SAMD5: variants seen among roughly 807,000 people sequenced by gnomAD.
SAMD5 encodes the protein sterile alpha motif domain containing 5.
A neutral mutation model predicts 11.3 loss-of-function variants in SAMD5; 13 were observed. That is an observed-to-expected ratio of 1.15 (90% confidence interval 0.75 to 1.83). The LOEUF (loss-of-function observed/expected upper bound fraction) is 1.83, where lower values mean the gene tolerates loss of function less well. Among genes scored for constraint, SAMD5 ranks in the 40% most tolerant of loss-of-function variants. SAMD5 has a pLI of 0.00. For missense variants in SAMD5, 255 were observed against 239.1 expected (o/e 1.07, Z -0.44); for synonymous variants, 129 against 111.3 (o/e 1.16, Z -1.00).
At chr6:147,802,580 G>A in the SAMD5 span, among the ~76,000 whole-genome samples, 1,258 of 152,298 alleles carry the variant, frequency 8.3e-3, 24 homozygotes, top group African/African-American at 0.029. Flanking sequence ...AAAGGACAGC[G>A]TATGTTCACA....
the SAMD5 span, among the ~76,000 whole-genome samples, chr6:147,949,847 T>A: frequency 6.6e-6 from 1 of 152,246 alleles, no homozygotes; most frequent in Non-Finnish European, 1.5e-5. Flanking sequence ...AGGTTCATTT[T>A]GTTATACTGC....
Position 147,661,319 on chromosome 6 carries a change from C to T in SAMD5, c.163-75998C>T, listed in dbSNP as rs1790645810. On this transcript the variant is annotated intron_variant, in intron 1 of 1. Transcript: ENST00000566741. ...GCTGCTTTTCACATGGAAGTAAATG[C>T]GTAAAATATCTGGGAAAACAGATCT... 4.6e-5 allele frequency among the ~76,000 whole-genome samples: 7 copies of T among 151,994 alleles called. No individual in the cohort carries two copies. The South Asian group carries it at 1.0e-3, about 23-fold the overall frequency.
At chr6:147,681,290 C>T (rs137962794) in intron 1 of SAMD5, among the ~76,000 whole-genome samples, 40 of 152,174 alleles carry the variant, frequency 2.6e-4, no homozygotes, top group Middle Eastern at 3.4e-3. Flanking sequence ...TTCAAGTTTA[C>T]TCTTTTCTTC....
intron 1 of SAMD5, among the ~76,000 whole-genome samples, chr6:147,626,791 GAAAAAAAA>G (rs529975933): frequency 0.094 from 5,134 of 54,844 alleles, 184 homozygotes; most frequent in African/African-American, 0.18. Flanking sequence ...CTGTTTCTAT[GAAAAAAAA>G]AAAAAAAAAA....
intron 1 of SAMD5, among the ~76,000 whole-genome samples, chr6:147,692,974 C>T (rs1791124434): frequency 6.6e-6 from 1 of 152,168 alleles, no homozygotes; most frequent in Non-Finnish European, 1.5e-5. Context: ...GACAGAAAAA[C>T]CCGTCACCAC....
chr6:147,936,527 G>T, the SAMD5 span, among the ~76,000 whole-genome samples: 1 of 151,908 alleles, frequency 6.6e-6, no homozygotes, highest in Non-Finnish European at 1.5e-5. Flanking sequence ...AGCACCAAGG[G>T]GATAGTGCTA....
the SAMD5 span, among the ~76,000 whole-genome samples, chr6:147,816,304 A>C: frequency 4.5e-4 from 15 of 33,406 alleles, no homozygotes; most frequent in African/African-American, 1.0e-3. Context: ...AAAAAAAAAT[A>C]TATATATATA....
the SAMD5 span, among the ~76,000 whole-genome samples, chr6:147,777,006 C>G: frequency 4.6e-4 from 70 of 152,282 alleles, no homozygotes; most frequent in African/African-American, 1.6e-3. Flanking sequence ...TATTAATCAC[C>G]TCCCCAACTT....
chr6:147,884,803 A>G, the SAMD5 span, among the ~76,000 whole-genome samples: 7 of 152,212 alleles, frequency 4.6e-5, no homozygotes, highest in African/African-American at 1.7e-4. Flanking sequence ...CCTGACAAAT[A>G]CTGAATTGAA....
intron 1 of SAMD5, among the ~76,000 whole-genome samples, chr6:147,633,586 T>C (rs1306854693): frequency 6.6e-6 from 1 of 152,088 alleles, no homozygotes; most frequent in Non-Finnish European, 1.5e-5. Flanking sequence ...GGTATTAGCG[T>C]GGAAGTAATT....
chr6:147,662,269 T>C (rs1790659472), intron 1 of SAMD5, among the ~76,000 whole-genome samples: 1 of 152,190 alleles, frequency 6.6e-6, no homozygotes, highest in African/African-American at 2.4e-5. Flanking sequence ...TTTATCAGAC[T>C]TTGGGAACAG....
At chr6:147,861,234 G>T in the SAMD5 span, among the ~76,000 whole-genome samples, 2 of 151,672 alleles carry the variant, frequency 1.3e-5, no homozygotes, top group African/African-American at 2.4e-5. Flanking sequence ...GCGCGATCTT[G>T]GTTCATTGCA....
chr6:147,750,424 G>A, the SAMD5 span, among the ~76,000 whole-genome samples: 1 of 152,160 alleles, frequency 6.6e-6, no homozygotes, highest in Non-Finnish European at 1.5e-5. Flanking sequence ...ATTATTTAAT[G>A]TGTGTTTTTG....
At chr6:147,946,641 C>T in the SAMD5 span, among the ~76,000 whole-genome samples, 1 of 152,178 alleles carries the variant, frequency 6.6e-6, no homozygotes, top group African/African-American at 2.4e-5. Flanking sequence ...CTGGAGACTG[C>T]AACTGCAATG....
At chr6:147,839,662 A>G in the SAMD5 span, among the ~76,000 whole-genome samples, 1 of 152,182 alleles carries the variant, frequency 6.6e-6, no homozygotes, top group Non-Finnish European at 1.5e-5. Flanking sequence ...AGGCAGGAGA[A>G]ACACTTGAAC....
chr6:147,623,006 A>T (rs1456890950), intron 1 of SAMD5, among the ~76,000 whole-genome samples: 1 of 152,068 alleles, frequency 6.6e-6, no homozygotes, highest in Admixed American at 6.5e-5. Context: ...TGATTAAATT[A>T]CCTCCCACCA....
intron 1 of SAMD5, among the ~76,000 whole-genome samples, chr6:147,596,238 C>T (rs548078235): frequency 3.3e-5 from 5 of 152,286 alleles, no homozygotes; most frequent in South Asian, 2.1e-4. Flanking sequence ...TTTAAAATGA[C>T]TCCTGTTACT....
At chr6:147,873,966 G>T in the SAMD5 span, among the ~76,000 whole-genome samples, 2 of 152,152 alleles carry the variant, frequency 1.3e-5, no homozygotes, top group Admixed American at 1.3e-4. Flanking sequence ...TGAGTCAGTG[G>T]ATTGTTTTAT....
the SAMD5 span, among the ~76,000 whole-genome samples, chr6:147,803,907 T>C: frequency 6.6e-6 from 1 of 152,138 alleles, no homozygotes; most frequent in African/African-American, 2.4e-5. Flanking sequence ...GACACCTCCA[T>C]CCTTTGGTTC....
Sources: allele counts gnomAD v4.1 joint callset (sites outside exome capture counted in the v4.1 genomes callset), GRCh38; gene constraint gnomAD v4.1.1; transcripts MANE v1.5; gene names NCBI Gene and HGNC (gene_info 2026-07-23, HGNC 2026-07-21).